SDK1: variants seen among roughly 807,000 people sequenced by gnomAD.
The protein encoded by SDK1 is sidekick cell adhesion molecule 1, also known as protein sidekick-1.
SDK1 carries 157 observed loss-of-function variants against 245.5 expected under a neutral mutation model. That is an observed-to-expected ratio of 0.64 (90% confidence interval 0.56 to 0.73). The LOEUF (loss-of-function observed/expected upper bound fraction) is 0.73, where lower values mean the gene tolerates loss of function less well. Among genes scored for constraint, SDK1 ranks in the 30% least tolerant of loss-of-function variants. The pLI is 0.00. For missense variants in SDK1, 3,583 were observed against 3,002.3 expected (o/e 1.19, Z -4.52); for synonymous variants, 1,647 against 1,278.5 (o/e 1.29, Z -6.15).
At chr7:3,351,844 G>C (rs1285521050) in intron 1 of SDK1, among the ~76,000 whole-genome samples, 1 of 152,064 alleles carries the variant, frequency 6.6e-6, no homozygotes, top group South Asian at 2.1e-4. Flanking sequence ...AGAAATCTTA[G>C]GATATGGAAG....
chr7:3,448,464 A>T lies in SDK1; in HGVS notation c.298+146580A>T, dbSNP rs529137171. Among the ~76,000 whole-genome samples, 15 of 150,480 alleles carry T rather than the reference A, an allele frequency of 1.0e-4. No homozygotes were observed. In the South Asian group the frequency reaches 2.9e-3, roughly 29 times the overall value. On this transcript the variant is annotated intron_variant, in intron 1 of 44. Coordinates refer to ENST00000404826, the MANE Select transcript of SDK1 (RefSeq NM_152744.4). The stretch of plus-strand genomic sequence containing the variant: ...ATGTATTTTTGAAGTGGTTTAGGGT[A>T]TTTTTTTTTGCTCTAGAATAAATTA...
At chr7:4,078,339 G>A (rs1290128923) in intron 21 of SDK1, among the ~76,000 whole-genome samples, 2 of 152,184 alleles carry the variant, frequency 1.3e-5, no homozygotes, top group Non-Finnish European at 2.9e-5. Context: ...ATTAATGATT[G>A]AAGAACCATT....
intron 22 of SDK1, among the ~76,000 whole-genome samples, chr7:4,091,334 C>CTTTTCTTTTTTTTT (rs1259034611): frequency 6.6e-4 from 71 of 108,228 alleles, no homozygotes; most frequent in African/African-American, 2.5e-3. Flanking sequence ...CTTTTCTTTT[C>CTTTTCTTTTTTTTT]TTTTTTTTTT....
intron 22 of SDK1, among the ~76,000 whole-genome samples, chr7:4,085,337 A>G (rs1781360860): frequency 6.6e-6 from 1 of 152,218 alleles, no homozygotes; most frequent in South Asian, 2.1e-4. Flanking sequence ...ATGGAAGTGT[A>G]ATATATTCAG....
chr7:3,424,277 T>C (rs1394772525), intron 1 of SDK1, among the ~76,000 whole-genome samples: 1 of 152,192 alleles, frequency 6.6e-6, no homozygotes, highest in East Asian at 1.9e-4. Flanking sequence ...GAAGATTATT[T>C]TGTGCCCATA....
chr7:4,070,421 C>A (rs1385454101), intron 20 of SDK1, among the ~76,000 whole-genome samples: 1 of 152,230 alleles, frequency 6.6e-6, no homozygotes, highest in African/African-American at 2.4e-5. Context: ...CCACCTCGGG[C>A]TGGAGGCTCA....
chr7:3,460,307 A>G (rs1780793715), intron 1 of SDK1, among the ~76,000 whole-genome samples: 2 of 152,206 alleles, frequency 1.3e-5, no homozygotes, highest in African/African-American at 2.4e-5. Flanking sequence ...GCTCTGAGAA[A>G]GAAATGAGTG....
chr7:4,159,757 A>T (rs1421069053), intron 31 of SDK1, among the ~76,000 whole-genome samples: 4 of 152,248 alleles, frequency 2.6e-5, no homozygotes, highest in Non-Finnish European at 4.4e-5. Context: ...TCAGAAAAAA[A>T]GTTAAAAATA....
chr7:3,809,371 A>G (rs1038011913), intron 4 of SDK1, among the ~76,000 whole-genome samples: 11 of 152,156 alleles, frequency 7.2e-5, no homozygotes, highest in African/African-American at 2.7e-4. Context: ...CATACTAGGA[A>G]TTACAGTTCA....
intron 35 of SDK1, among the ~76,000 whole-genome samples, chr7:4,181,585 C>G (rs1782606447): frequency 6.6e-6 from 1 of 152,168 alleles, no homozygotes. Flanking sequence ...TGCTCCAGCC[C>G]TCCTTTCCAG....
At chr7:3,897,925 C>G (rs923581063) in intron 5 of SDK1, among the ~76,000 whole-genome samples, 1 of 151,726 alleles carries the variant, frequency 6.6e-6, no homozygotes, top group Non-Finnish European at 1.5e-5. Context: ...TTTCTTTTCT[C>G]TCACTCTTTT....
chr7:3,955,870 T>A (rs1438806797), intron 7 of SDK1, among the ~76,000 whole-genome samples: 1 of 152,112 alleles, frequency 6.6e-6, no homozygotes, highest in African/African-American at 2.4e-5. Context: ...GGCCCTTGGT[T>A]TGGGGGCAGT....
At chr7:3,928,027 GA>G in intron 5 of SDK1, among the ~76,000 whole-genome samples, 1 of 152,174 alleles carries the variant, frequency 6.6e-6, no homozygotes, top group Non-Finnish European at 1.5e-5. Context: ...AAAACACTAG[GA>G]AATTGACGAC....
At chr7:3,804,185 T>C (rs1454109257) in intron 4 of SDK1, among the ~76,000 whole-genome samples, 1 of 152,248 alleles carries the variant, frequency 6.6e-6, no homozygotes, top group Non-Finnish European at 1.5e-5. Flanking sequence ...AACTCTGCAA[T>C]TTCTCTGATA....
At chr7:3,380,518 C>A (rs893720015) in intron 1 of SDK1, among the ~76,000 whole-genome samples, 1 of 152,206 alleles carries the variant, frequency 6.6e-6, no homozygotes, top group Non-Finnish European at 1.5e-5. Flanking sequence ...ATTGGCGGTT[C>A]AGTTTGGCCA....
intron 5 of SDK1, among the ~76,000 whole-genome samples, chr7:3,949,558 T>C (rs1055585294): frequency 1.3e-5 from 2 of 152,248 alleles, no homozygotes; most frequent in East Asian, 1.9e-4. Context: ...TGAAGCGTTT[T>C]GCGTTTGCAG....
rs185383124 is a variant in SDK1, at chr7:3,956,252, G to T, written c.1151-2679G>T. On this transcript the variant is annotated intron_variant, in intron 7 of 44. Transcript: ENST00000404826. ...GTGGTTGAGAGTCTATGCACAGGAT[G>T]ACTCATTTACAATGGGTTTTCCCCA... is the stretch of plus-strand genomic sequence containing the variant. 1.4e-3 allele frequency among the ~76,000 whole-genome samples: 217 copies of T among 152,274 alleles called. 1 individual carries two copies. The highest frequency in any genetic ancestry group is 5.0e-3 in the African/African-American group (208 of 41,558).
chr7:4,244,921 A>G (rs1473688326), intron 43 of SDK1, among the ~76,000 whole-genome samples: 1 of 152,174 alleles, frequency 6.6e-6, no homozygotes, highest in Non-Finnish European at 1.5e-5. Flanking sequence ...TGTTCACAAC[A>G]TACTGTTGGC....
chr7:3,853,960 G>A lies in SDK1; in HGVS notation c.847+32377G>A, dbSNP rs184513126. ...GCCGAGATTGCACCACTGCACTCCAGCCTGTCAACAGAGCAAGACTCCGTC... is the reference window on the plus strand; with the variant it reads ...GCCGAGATTGCACCACTGCACTCCAACCTGTCAACAGAGCAAGACTCCGTC... On this transcript the variant is annotated intron_variant, in intron 5 of 44. Coordinates refer to ENST00000404826, the MANE Select transcript of SDK1 (RefSeq NM_152744.4). 7.2e-3 allele frequency among the ~76,000 whole-genome samples: 1,095 copies of A among 152,204 alleles called. 9 individuals are homozygous for A. The highest frequency in any genetic ancestry group is 0.012 in the Non-Finnish European group (810 of 68,020).
Sources: allele counts gnomAD v4.1 joint callset (sites outside exome capture counted in the v4.1 genomes callset), GRCh38; gene constraint gnomAD v4.1.1; transcripts MANE v1.5; gene names NCBI Gene and HGNC (gene_info 2026-07-23, HGNC 2026-07-21).